PCDH15: variants seen among roughly 807,000 people sequenced by gnomAD.
The protein encoded by PCDH15 is protocadherin related 15, also known as protocadherin-15.
PCDH15 carries 129 observed loss-of-function variants against 178.5 expected under a neutral mutation model. That is an observed-to-expected ratio of 0.72 (90% CI 0.63 to 0.84). PCDH15 has a LOEUF of 0.84. PCDH15 is among the 40% of genes least tolerant of loss of function. The pLI, the probability that PCDH15 is intolerant of heterozygous loss-of-function variation, is 0.00. For synonymous variants in PCDH15, 800 were observed against 732.0 expected (o/e 1.09, Z -1.50); for missense variants, 2,230 against 2,099.9 (o/e 1.06, Z -1.21).
At position 53,888,320 on chromosome 10, in the gene PCDH15, ACG is replaced by A. The variant is rs1490222379; in HGVS notation, c.3501+14921_3501+14922del. ...TATATATATATATATGTATATATGT[ACG>A]TATATATATGTACGTATATATATAT... On this transcript the variant is annotated intron_variant, in intron 26 of 37. Coordinates refer to ENST00000644397, the MANE Select transcript of PCDH15 (RefSeq NM_001384140.1). Among the ~76,000 whole-genome samples the A allele has an allele frequency of 3.0e-3, 278 of 92,884 alleles. 1 individual carries two copies. The highest frequency in any genetic ancestry group is 3.3e-3 in the Non-Finnish European group (166 of 50,186). The allele number at this position is 92,884 out of a possible 152,430, so 60.9% of individuals were successfully genotyped here.
intron 3 of PCDH15, among the ~76,000 whole-genome samples, chr10:54,518,952 G>A (rs1373926089): frequency 6.6e-6 from 1 of 152,124 alleles, no homozygotes; most frequent in African/African-American, 2.4e-5. Context: ...CAGATCCAAA[G>A]ACAAAAATCA....
intron 1 of PCDH15, among the ~76,000 whole-genome samples, chr10:55,252,626 C>T (rs1476426892): frequency 6.6e-6 from 1 of 151,900 alleles, no homozygotes; most frequent in Admixed American, 6.6e-5. Flanking sequence ...AGAAAACTCA[C>T]GTTGAGGAGT....
At chr10:54,478,805 C>A (rs2078471109) in intron 3 of PCDH15, among the ~76,000 whole-genome samples, 1 of 151,466 alleles carries the variant, frequency 6.6e-6, no homozygotes, top group African/African-American at 2.4e-5. Context: ...AATACAGCTG[C>A]GGTAAAAAAA....
At chr10:55,183,181 C>A (rs192550995) in intron 1 of PCDH15, among the ~76,000 whole-genome samples, 96 of 152,034 alleles carry the variant, frequency 6.3e-4, no homozygotes, top group African/African-American at 2.0e-3. Flanking sequence ...GAATTTGAAG[C>A]TACTTCTCAG....
intron 2 of PCDH15, among the ~76,000 whole-genome samples, chr10:55,059,525 AG>A (rs1447874913): frequency 6.6e-6 from 1 of 152,212 alleles, no homozygotes; most frequent in Non-Finnish European, 1.5e-5. Context: ...TGAGAAAGCA[AG>A]GGGTAACTCA....
chr10:55,529,979 T>G (rs960049639), intron 2 of PCDH15, among the ~76,000 whole-genome samples: 1 of 151,344 alleles, frequency 6.6e-6, no homozygotes, highest in Non-Finnish European at 1.5e-5. Context: ...CCAGAGTATT[T>G]TAAAGCATAA....
intron 3 of PCDH15, among the ~76,000 whole-genome samples, chr10:54,459,054 C>T (rs1359173559): frequency 6.6e-6 from 1 of 151,968 alleles, no homozygotes; most frequent in Non-Finnish European, 1.5e-5. Flanking sequence ...GCTTCCTTTC[C>T]TATCTCAAAA....
At chr10:54,997,887 T>G (rs1444462401) in intron 2 of PCDH15, among the ~76,000 whole-genome samples, 1 of 152,144 alleles carries the variant, frequency 6.6e-6, no homozygotes, top group Non-Finnish European at 1.5e-5. Flanking sequence ...TAGACGCTCC[T>G]TTGATGTCTG....
Position 55,397,540 on chromosome 10 carries a change from A to G in PCDH15, c.-156+230085T>C, listed in dbSNP as rs145843469. Among the ~76,000 whole-genome samples the G allele has an allele frequency of 3.3e-3, 502 of 151,798 alleles. 2 individuals are homozygous for G. The highest frequency in any genetic ancestry group is 9.8e-3 in the African/African-American group (406 of 41,394). ...TAAACTAAAAGGACTATTTTATTTTACTCTTCATTTGTGTTTCTGTGTTTC... is the reference window on the plus strand; with the variant it reads ...TAAACTAAAAGGACTATTTTATTTTGCTCTTCATTTGTGTTTCTGTGTTTC... On this transcript the variant is annotated intron_variant, in intron 2 of 5. Coordinates refer to the PCDH15 transcript ENST00000613346.
chr10:53,900,086 T>C (rs769558341), intron 26 of PCDH15, among the ~76,000 whole-genome samples: 1 of 152,194 alleles, frequency 6.6e-6, no homozygotes, highest in Non-Finnish European at 1.5e-5. Context: ...AACCTTTATG[T>C]TCATTCACCA....
intron 3 of PCDH15, among the ~76,000 whole-genome samples, chr10:54,415,244 A>T (rs1267318776): frequency 1.3e-5 from 2 of 152,042 alleles, no homozygotes; most frequent in Admixed American, 6.5e-5. Context: ...TTATCCACAA[A>T]AGGGGTTCAA....
At chr10:55,399,706 C>G (rs141939146) in intron 2 of PCDH15, among the ~76,000 whole-genome samples, 139 of 152,138 alleles carry the variant, frequency 9.1e-4, no homozygotes, top group Non-Finnish European at 1.5e-3. Context: ...GAGGGGGTCT[C>G]TTGTGCTGTT....
At chr10:54,561,233 A>C (rs2133366141) in intron 2 of PCDH15, among the ~76,000 whole-genome samples, 1 of 152,252 alleles carries the variant, frequency 6.6e-6, no homozygotes, top group Middle Eastern at 3.4e-3. Context: ...TCATCATTTA[A>C]GAGAAAATAA....
chr10:55,040,793 CTAAAG>C (rs1348908084), intron 2 of PCDH15, among the ~76,000 whole-genome samples: 3 of 151,982 alleles, frequency 2.0e-5, no homozygotes, highest in African/African-American at 4.8e-5. Flanking sequence ...TTCTATAACA[CTAAAG>C]TAAATTAATT....
intron 2 of PCDH15, among the ~76,000 whole-genome samples, chr10:54,958,057 A>C (rs1838536085): frequency 6.6e-6 from 1 of 151,708 alleles, no homozygotes; most frequent in Non-Finnish European, 1.5e-5. Context: ...CCTATTCTCA[A>C]ATTTGCTGTC....
intron 1 of PCDH15, among the ~76,000 whole-genome samples, chr10:55,242,831 C>T (rs1020098842): frequency 7.9e-5 from 12 of 152,060 alleles, no homozygotes; most frequent in African/African-American, 2.4e-4. Flanking sequence ...CAGAGCGAAA[C>T]TCTGTCTCAA....
At chr10:54,237,616 G>T (rs185806616) in intron 8 of PCDH15, among the ~76,000 whole-genome samples, 1 of 152,048 alleles carries the variant, frequency 6.6e-6, no homozygotes, top group South Asian at 2.1e-4. Flanking sequence ...CTATCTTTAG[G>T]CTTTGCCAAC....
At chr10:55,217,196 G>T (rs1055933231) in intron 1 of PCDH15, among the ~76,000 whole-genome samples, 1 of 151,656 alleles carries the variant, frequency 6.6e-6, no homozygotes, top group African/African-American at 2.4e-5. Flanking sequence ...CAATGTTTTT[G>T]GTCAACTCGA....
chr10:54,910,661 T>G (rs1954801207), intron 2 of PCDH15, among the ~76,000 whole-genome samples: 1 of 152,198 alleles, frequency 6.6e-6, no homozygotes, highest in African/African-American at 2.4e-5. Context: ...ATTCTATTGA[T>G]AATACCTACT....
Sources: gnomAD v4.1 joint callset for allele counts (sites outside exome capture counted in the v4.1 genomes callset) on GRCh38, gnomAD v4.1.1 for gene constraint, MANE v1.5 for transcripts, NCBI Gene and HGNC (gene_info 2026-07-23, HGNC 2026-07-21) for gene names.